The following OLFM1 variants were observed in gnomAD, a reference collection of about 807,000 sequenced individuals.
OLFM1 encodes olfactomedin 1.
A neutral mutation model predicts 49.7 loss-of-function variants in OLFM1; 9 were observed. The observed-to-expected ratio is 0.18, with a 90% CI of 0.11 to 0.32. The LOEUF is 0.32. Among genes scored for constraint, OLFM1 ranks in the 10% least tolerant of loss-of-function variants. OLFM1 has a pLI of 1.00. For missense variants in OLFM1, 369 were observed against 661.8 expected (o/e 0.56, Z 4.85); for synonymous variants, 240 against 271.8 (o/e 0.88, Z 1.15).
intron 5 of OLFM1, among the ~76,000 whole-genome samples, chr9:135,118,469 T>C (rs748653782): frequency 1.5e-4 from 22 of 144,540 alleles, no homozygotes; most frequent in Non-Finnish European, 1.1e-4. Context: ...GAGTGCTTAC[T>C]GGGTCTTTGG....
exon 1 of OLFM1, chr9:135,075,598 C>CGTGG: frequency 1.6e-6 from 1 of 640,362 alleles, no homozygotes; most frequent in Non-Finnish European, 2.4e-6. Context: ...TGAATCCAGG[C>CGTGG]GTGGGGACAC....
chr9:135,076,510 A>T, intron 1 of OLFM1: 1 of 1,285,346 alleles, frequency 7.8e-7, no homozygotes, highest in Non-Finnish European at 1.0e-6. Context: ...TCTCCATTTT[A>T]AAGATGCATA....
intron 2 of OLFM1, among the ~76,000 whole-genome samples, chr9:135,091,842 C>T (rs1830716280): frequency 1.4e-5 from 2 of 142,980 alleles, no homozygotes; most frequent in Non-Finnish European, 3.0e-5. Flanking sequence ...GTCACACACA[C>T]ACTCACACAT....
At chr9:135,099,953 T>A (rs1564274573) in intron 4 of OLFM1, among the ~76,000 whole-genome samples, 2 of 152,206 alleles carry the variant, frequency 1.3e-5, no homozygotes, top group Non-Finnish European at 2.9e-5. Context: ...GCTATATAAC[T>A]ATTGCCCTTG....
upstream of OLFM1, among the ~76,000 whole-genome samples, chr9:135,083,894 G>A (rs143799360): frequency 5.3e-4 from 81 of 152,320 alleles, 1 homozygote; most frequent in East Asian, 0.011. Context: ...GGCCAAAATC[G>A]CAGGTCACAC....
At chr9:135,093,520 C>T (rs1414365154) in intron 2 of OLFM1, among the ~76,000 whole-genome samples, 1 of 152,208 alleles carries the variant, frequency 6.6e-6, no homozygotes, top group Non-Finnish European at 1.5e-5. Context: ...GTGCCTGGAA[C>T]ATGGGAAAGG....
At chr9:135,081,979 G>C (rs1290818868) in intron 1 of OLFM1, among the ~76,000 whole-genome samples, 1 of 152,212 alleles carries the variant, frequency 6.6e-6, no homozygotes, top group African/African-American at 2.4e-5. Flanking sequence ...CCTCGTGTGT[G>C]GCTGCTCACC....
chr9:135,104,140 C>T (rs762504651), intron 4 of OLFM1, among the ~76,000 whole-genome samples: 20 of 152,250 alleles, frequency 1.3e-4, no homozygotes, highest in Admixed American at 1.3e-4. Context: ...AAGCTGGCTC[C>T]GGCTGCAGTG....
intron 5 of OLFM1, among the ~76,000 whole-genome samples, chr9:135,107,503 G>A (rs1830962063): frequency 6.6e-6 from 1 of 152,170 alleles, no homozygotes; most frequent in Non-Finnish European, 1.5e-5. Context: ...CTGCCCGACT[G>A]ATGGTGAGGC....
intron 2 of OLFM1, among the ~76,000 whole-genome samples, chr9:135,091,783 A>C (rs976068873): frequency 7.1e-6 from 1 of 141,590 alleles, no homozygotes; most frequent in Admixed American, 6.9e-5. Flanking sequence ...ACACACACTC[A>C]CACATAGTCA....
At position 135,111,861 on chromosome 9, in the gene OLFM1, C is replaced by T. The variant is rs1432089321; in HGVS notation, c.783+5006C>T. 3.3e-5 allele frequency among the ~76,000 whole-genome samples: 5 copies of T among 150,132 alleles called. No individual in the cohort carries two copies. In the East Asian group the frequency reaches 9.6e-4, roughly 29 times the overall value. On this transcript the variant is annotated intron_variant, in intron 5 of 5. Coordinates refer to ENST00000371793, the MANE Select transcript of OLFM1 (RefSeq NM_001282611.2). ...AGTAGCTGGGATTACAGGCGCATGC[C>T]ATCACTTCCGGCTATTTTTTTTCTG...
chr9:135,090,304 G>A lies in OLFM1; in HGVS notation c.260G>A (p.Arg87Gln), dbSNP rs768610010. Residue 87 changes from arginine (R) to glutamine (Q), a missense_variant, in exon 2 of 6, where the codon CGG becomes CAG. By Grantham distance (43) the Arg-to-Gln change is conservative. This residue lies in a region of OLFM1 where 294 missense variants were observed against 567.5 expected (regional missense o/e 0.52). Coordinates refer to ENST00000371793, the MANE Select transcript of OLFM1 (RefSeq NM_001282611.2). ...VVAPQQTMCS[R>Q]DARTKQLRQL... ...GCTCCACAGCAGACCATGTGTTCAC[G>A]GGATGCCCGCACAAAACAGCTGAGG... 5 of 1,614,084 alleles carry A rather than the reference G, an allele frequency of 3.1e-6. No individual in the cohort carries two copies. The highest frequency in any genetic ancestry group is 2.2e-5 in the East Asian group (1 of 44,870).
intron 4 of OLFM1, among the ~76,000 whole-genome samples, chr9:135,100,540 C>G (rs1022434870): frequency 6.6e-6 from 1 of 152,226 alleles, no homozygotes; most frequent in Admixed American, 6.5e-5. Context: ...GACACGTAGG[C>G]GGAGCTGCTG....
At chr9:135,081,235 G>A (rs1411027821) in intron 1 of OLFM1, among the ~76,000 whole-genome samples, 4 of 152,174 alleles carry the variant, frequency 2.6e-5, no homozygotes, top group Non-Finnish European at 1.5e-5. Flanking sequence ...CTCTAGGTCT[G>A]TCTGACATCT....
intron 5 of OLFM1, among the ~76,000 whole-genome samples, chr9:135,107,478 G>C (rs780178123): frequency 2.6e-5 from 4 of 152,186 alleles, no homozygotes; most frequent in Non-Finnish European, 4.4e-5. Flanking sequence ...TTGAAAAATG[G>C]GGAGGTGAGG....
intron 5 of OLFM1, among the ~76,000 whole-genome samples, chr9:135,114,357 C>T (rs535808475): frequency 2.0e-5 from 3 of 152,046 alleles, no homozygotes; most frequent in South Asian, 2.1e-4. Context: ...CCTCGTGATC[C>T]GCCCACCTTA....
At chr9:135,100,883 CTGACTGA>C (rs748926255) in intron 4 of OLFM1, among the ~76,000 whole-genome samples, 3 of 151,926 alleles carry the variant, frequency 2.0e-5, no homozygotes, top group Non-Finnish European at 4.4e-5. Flanking sequence ...GTGATGACAG[CTGACTGA>C]TAACTGGATA....
intron 2 of OLFM1, among the ~76,000 whole-genome samples, chr9:135,092,526 A>G (rs1830730105): frequency 2.0e-5 from 3 of 152,244 alleles, no homozygotes; most frequent in African/African-American, 7.2e-5. Context: ...ACCAAAGCCT[A>G]ACTGAGCCTT....
chr9:135,100,710 C>A (rs1564274944), intron 4 of OLFM1, among the ~76,000 whole-genome samples: 1 of 152,204 alleles, frequency 6.6e-6, no homozygotes, highest in Non-Finnish European at 1.5e-5. Context: ...CATTTCCCCT[C>A]TCGAGTTTCA....
Sources: gnomAD v4.1 joint callset for allele counts (sites outside exome capture counted in the v4.1 genomes callset) on GRCh38, gnomAD v4.1.1 for gene constraint, gnomAD v4.1.1 regional missense constraint, MANE v1.5 for transcripts, NCBI Gene and HGNC (gene_info 2026-07-23, HGNC 2026-07-21) for gene names.